SP140: variants seen among roughly 807,000 people sequenced by gnomAD.
SP140 encodes SP140 nuclear body protein.
A neutral mutation model predicts 125.0 loss-of-function variants in SP140; 81 were observed. The ratio of observed to expected loss-of-function variants is 0.65; its 90% CI spans 0.54 to 0.78. The LOEUF is 0.78. SP140 is among the 30% of genes least tolerant of loss of function. SP140 has a pLI of 0.00. For synonymous variants in SP140, 312 were observed against 354.0 expected (o/e 0.88, Z 1.33); for missense variants, 858 against 1,037.0 (o/e 0.83, Z 2.37).
chr2:230,289,903 T>G (rs2056920904), intron 18 of SP140, among the ~76,000 whole-genome samples: 1 of 152,164 alleles, frequency 6.6e-6, no homozygotes. Flanking sequence ...AATTTTCAGA[T>G]TATTCTAGAG....
In SP140 at chr2:230,270,639, A is replaced by C; in HGVS notation, c.1498A>C (p.Arg500=). ...TTTGGGAAAACCCAAGAGGAAAAGA[A>C]GTAAGAATAAATAAGAATTTATTTG... The part of the protein sequence containing the change: ...STLGKPKRKR[R]KKRGHGWSRM... The change falls in exon 15 of 27, where the codon AGA becomes CGA. Residue 500 remains arginine (R), a splice_region_variant and synonymous_variant. Transcript: ENST00000392045. 4 of 1,604,380 alleles carry C rather than the reference A, an allele frequency of 2.5e-6. No homozygotes were observed. Among genetic ancestry groups the C allele is most frequent in the Non-Finnish European group, 3.4e-6 (4 of 1,172,400 alleles).
intron 21 of SP140, among the ~76,000 whole-genome samples, chr2:230,295,603 A>G (rs754431193): frequency 1.3e-5 from 2 of 152,156 alleles, no homozygotes; most frequent in African/African-American, 2.4e-5. Context: ...AGGTCCCTTA[A>G]GTGGCAGATC....
chr2:230,267,205 TTAGGAGG>T (rs2053255072), intron 12 of SP140, among the ~76,000 whole-genome samples: 3 of 152,162 alleles, frequency 2.0e-5, no homozygotes, highest in African/African-American at 7.2e-5. Flanking sequence ...AGTAATCTGG[TTAGGAGG>T]TACAGGGAAG....
chr2:230,198,493 CT>C (rs2042980253), upstream of SP140, among the ~76,000 whole-genome samples: 1 of 152,202 alleles, frequency 6.6e-6, no homozygotes, highest in South Asian at 2.1e-4. Flanking sequence ...AATAAAGCCC[CT>C]GATTCTGAGC....
intron 22 of SP140, among the ~76,000 whole-genome samples, chr2:230,298,105 T>C (rs2057930059): frequency 6.6e-6 from 1 of 152,198 alleles, no homozygotes; most frequent in Non-Finnish European, 1.5e-5. Flanking sequence ...GCATTTTAAC[T>C]CAACTGCTTA....
intron 1 of SP140, among the ~76,000 whole-genome samples, chr2:230,207,503 T>C (rs1246699273): frequency 6.6e-6 from 1 of 152,200 alleles, no homozygotes; most frequent in East Asian, 1.9e-4. Context: ...CATAGATGGC[T>C]AGCAGAAACC....
intron 12 of SP140, among the ~76,000 whole-genome samples, chr2:230,258,507 G>T (rs1305305397): frequency 2.0e-5 from 3 of 152,118 alleles, no homozygotes; most frequent in Non-Finnish European, 4.4e-5. Context: ...AAGTAAATTT[G>T]CCATGAAATA....
chr2:230,261,187 T>TGTC (rs569032532), intron 12 of SP140, among the ~76,000 whole-genome samples: 68 of 152,194 alleles, frequency 4.5e-4, no homozygotes, highest in Non-Finnish European at 7.4e-4. Flanking sequence ...AAGTTTTTGT[T>TGTC]GTTGTTGTTG....
intron 12 of SP140, 35 bp from the exon 13 acceptor site, chr2:230,269,497 G>T: frequency 7.6e-7 from 1 of 1,311,844 alleles, no homozygotes; most frequent in Non-Finnish European, 1.1e-6. Flanking sequence ...ATTGTCTCAG[G>T]ATCCTTGGAC....
intron 23 of SP140, 117 bp downstream of exon 23, chr2:230,310,156 G>T: frequency 1.1e-6 from 1 of 934,280 alleles, no homozygotes; most frequent in South Asian, 1.6e-5. Context: ...GGTTCATCGG[G>T]TACTGGGACC....
chr2:230,292,778 G>A lies in SP140; in HGVS notation c.1958G>A (p.Trp653Ter), dbSNP rs2057277981. ...CGCTGTGGCGGGTGGCCCCTACGATGGCTGATGGAGGTATTCCAATGACAA... is the reference window on the plus strand; with the variant it reads ...CGCTGTGGCGGGTGGCCCCTACGATAGCTGATGGAGGTATTCCAATGACAA... ...SVRCGGWPLR[W>*]LMENGFLPDP... is the part of the protein sequence containing the mutation. The change falls in exon 20 of 27, where the codon TGG becomes TAG. Residue 653 changes from tryptophan to a stop codon, truncating the protein, a stop_gained. Coordinates refer to ENST00000392045, the MANE Select transcript of SP140 (RefSeq NM_007237.5). LOFTEE classifies it high-confidence loss of function. 1.9e-6 allele frequency: 3 copies of A among 1,613,920 alleles called. No individual in the cohort carries two copies. Among genetic ancestry groups the A allele is most frequent in the South Asian group, 2.2e-5 (2 of 91,076 alleles).
intron 1 of SP140, among the ~76,000 whole-genome samples, chr2:230,235,770 C>T (rs1359060084): frequency 6.6e-6 from 1 of 152,008 alleles, no homozygotes; most frequent in Non-Finnish European, 1.5e-5. Context: ...GTCTGAAATC[C>T]AGAGGTCTCC....
chr2:230,268,241 A>T (rs370903080), intron 12 of SP140, among the ~76,000 whole-genome samples: 5 of 152,102 alleles, frequency 3.3e-5, no homozygotes, highest in East Asian at 3.9e-4. Flanking sequence ...TAGACAGAAG[A>T]GGCCGGGTGT....
At chr2:230,301,656 T>C (rs6436926) in intron 22 of SP140, among the ~76,000 whole-genome samples, 122,645 of 152,114 alleles carry the variant, frequency 0.81, 50,167 homozygotes, top group African/African-American at 0.91. Context: ...TAAAACAATA[T>C]ATCAAAATAT....
At chr2:230,207,910 A>T in intron 1 of SP140, 1 of 733,308 alleles carries the variant, frequency 1.4e-6, no homozygotes, top group Non-Finnish European at 2.4e-6. Context: ...TTAGAATAAA[A>T]TTCAACCCTC....
intron 1 of SP140, among the ~76,000 whole-genome samples, chr2:230,209,550 C>T (rs1462086236): frequency 6.6e-6 from 1 of 152,076 alleles, no homozygotes; most frequent in Non-Finnish European, 1.5e-5. Flanking sequence ...CTGTCTCTCA[C>T]CATGAGGTGT....
At chr2:230,200,826 A>AG (rs779593953), upstream of SP140, 162 of 1,255,314 alleles carry the variant, frequency 1.3e-4, no homozygotes, top group Admixed American at 2.6e-3. Flanking sequence ...AGTGTAAGAC[A>AG]GCTCTGAATT....
intron 3 of SP140, among the ~76,000 whole-genome samples, chr2:230,214,321 C>T (rs2044848368): frequency 6.6e-6 from 1 of 152,132 alleles, no homozygotes; most frequent in South Asian, 2.1e-4. Flanking sequence ...CCTTCTCTGG[C>T]TTTACAATCT....
intron 15 of SP140, among the ~76,000 whole-genome samples, chr2:230,276,685 G>T (rs780637208): frequency 1.3e-5 from 2 of 152,138 alleles, no homozygotes; most frequent in Non-Finnish European, 2.9e-5. Flanking sequence ...TATACATAAT[G>T]ATTCTTCTGA....
Sources: allele counts gnomAD v4.1 joint callset (sites outside exome capture counted in the v4.1 genomes callset), GRCh38; gene constraint gnomAD v4.1.1; transcripts MANE v1.5; gene names NCBI Gene and HGNC (gene_info 2026-07-23, HGNC 2026-07-21).